RBPJ: variants seen among roughly 807,000 people sequenced by gnomAD.
The protein encoded by RBPJ is recombining binding protein suppressor of hairless.
RBPJ carries 9 observed loss-of-function variants against 67.8 expected under a neutral mutation model. The observed-to-expected ratio is 0.13, with a 90% CI of 0.08 to 0.23. The LOEUF (loss-of-function observed/expected upper bound fraction) is 0.23. Ranked by LOEUF, RBPJ falls within the 10% of genes least tolerant of loss-of-function variation. RBPJ has a pLI of 1.00. For synonymous variants in RBPJ, 198 were observed against 203.3 expected, an observed-to-expected ratio of 0.97 and a Z score of 0.22; for missense variants, 305 against 595.6, an observed-to-expected ratio of 0.51 and a Z score of 5.08.
At chr4:26,320,787 G>A (rs750670227), upstream of RBPJ, 6 of 1,555,534 alleles carry the variant, frequency 3.9e-6, no homozygotes, top group South Asian at 5.9e-5. Flanking sequence ...GCCCGCGGAG[G>A]AGCCGCCTGC....
At chr4:26,396,801 T>TA (rs1299955758) in intron 2 of RBPJ, among the ~76,000 whole-genome samples, 1 of 152,206 alleles carries the variant, frequency 6.6e-6, no homozygotes, top group Non-Finnish European at 1.5e-5. Flanking sequence ...ACTTCTGCTA[T>TA]AAAAAGAGAG....
At chr4:26,221,485 T>G (rs1718909107) in intron 1 of RBPJ, among the ~76,000 whole-genome samples, 1 of 152,196 alleles carries the variant, frequency 6.6e-6, no homozygotes, top group Non-Finnish European at 1.5e-5. Context: ...CCAACAGAGA[T>G]AACTCAAGAG....
chr4:26,380,560 G>A (rs978064178), intron 1 of RBPJ, among the ~76,000 whole-genome samples: 6 of 152,100 alleles, frequency 3.9e-5, no homozygotes, highest in African/African-American at 1.4e-4. Flanking sequence ...ATAGAATATA[G>A]TAATAATGTA....
chr4:26,134,111 C>G, the RBPJ span, among the ~76,000 whole-genome samples: 2 of 152,110 alleles, frequency 1.3e-5, no homozygotes, highest in African/African-American at 4.8e-5. Context: ...TTTCCTGGGT[C>G]CTGACAGGAT....
intron 1 of RBPJ, among the ~76,000 whole-genome samples, chr4:26,268,844 G>A (rs1181474684): frequency 6.6e-5 from 10 of 151,822 alleles, no homozygotes; most frequent in Non-Finnish European, 1.5e-4. Context: ...TATGAAATTA[G>A]GCAAAACAAA....
At chr4:26,357,643 C>T (rs962350091) in intron 1 of RBPJ, among the ~76,000 whole-genome samples, 5 of 152,236 alleles carry the variant, frequency 3.3e-5, no homozygotes, top group South Asian at 2.1e-4. Context: ...AGTACATTCA[C>T]GGTGCTATGC....
chr4:26,176,628 C>T (rs537326769), intron 1 of RBPJ, among the ~76,000 whole-genome samples: 1 of 152,372 alleles, frequency 6.6e-6, no homozygotes, highest in African/African-American at 2.4e-5. Flanking sequence ...CCCCCTTCAA[C>T]ACTATGCTTC....
intron 1 of RBPJ, among the ~76,000 whole-genome samples, chr4:26,369,570 AC>A (rs1394541835): frequency 6.6e-6 from 1 of 152,206 alleles, no homozygotes; most frequent in Non-Finnish European, 1.5e-5. Context: ...GATTTTTCTC[AC>A]AGTGGTAGAT....
chr4:26,343,279 G>A (rs1725740100), intron 1 of RBPJ: 2 of 152,182 alleles, frequency 1.3e-5, no homozygotes, highest in African/African-American at 4.8e-5. Flanking sequence ...CTTGACTGTT[G>A]TAATGAATCT....
intron 1 of RBPJ, among the ~76,000 whole-genome samples, chr4:26,287,467 C>A (rs533802281): frequency 1.3e-5 from 2 of 150,650 alleles, no homozygotes; most frequent in African/African-American, 4.9e-5. Context: ...GTGGGAAGAT[C>A]GCTTGAGTCA....
intron 1 of RBPJ, among the ~76,000 whole-genome samples, chr4:26,273,069 C>T (rs1720966792): frequency 6.6e-6 from 1 of 152,156 alleles, no homozygotes; most frequent in Non-Finnish European, 1.5e-5. Flanking sequence ...TTTCAACCAA[C>T]AAAATTGACT....
chr4:26,258,261 A>G (rs751849345), intron 1 of RBPJ, among the ~76,000 whole-genome samples: 6 of 152,146 alleles, frequency 3.9e-5, no homozygotes, highest in Non-Finnish European at 8.8e-5. Flanking sequence ...CTACCAATTG[A>G]CTTTTTTCTA....
At chr4:26,205,240 G>A (rs1718128572) in intron 1 of RBPJ, among the ~76,000 whole-genome samples, 1 of 152,182 alleles carries the variant, frequency 6.6e-6, no homozygotes, top group African/African-American at 2.4e-5. Context: ...AGATGTGGGA[G>A]CAGCTCCGGC....
chr4:26,111,000 T>G, the RBPJ span, among the ~76,000 whole-genome samples: 1 of 152,232 alleles, frequency 6.6e-6, no homozygotes. The surrounding 1 kb of genome is among the most constrained non-coding windows in gnomAD (Gnocchi z 4.5). Context: ...GGTTCTGTCA[T>G]CTGCAACTAA....
At chr4:26,341,425 T>C (rs1482862027) in intron 1 of RBPJ, among the ~76,000 whole-genome samples, 1 of 152,002 alleles carries the variant, frequency 6.6e-6, no homozygotes, top group Non-Finnish European at 1.5e-5. Context: ...GACCAGCCTG[T>C]CAACATAGTG....
At chr4:26,140,140 A>G in the RBPJ span, among the ~76,000 whole-genome samples, 2 of 152,178 alleles carry the variant, frequency 1.3e-5, no homozygotes, top group African/African-American at 4.8e-5. Context: ...AGCACTTGGA[A>G]CAGTACTACG....
chr4:26,126,727 C>A, the RBPJ span, among the ~76,000 whole-genome samples: 1 of 152,220 alleles, frequency 6.6e-6, no homozygotes, highest in Non-Finnish European at 1.5e-5. Flanking sequence ...TGGTCAACAA[C>A]CAAATTCCCT....
intron 1 of RBPJ, among the ~76,000 whole-genome samples, chr4:26,245,415 G>A (rs1188184349): frequency 6.6e-6 from 1 of 151,830 alleles, no homozygotes; most frequent in African/African-American, 2.4e-5. Context: ...CACCATGTTG[G>A]TCAGGCTGGT....
intron 1 of RBPJ, among the ~76,000 whole-genome samples, chr4:26,215,843 T>C (rs938782418): frequency 2.0e-5 from 3 of 151,760 alleles, no homozygotes; most frequent in African/African-American, 7.3e-5. Context: ...GTCTCTGGAT[T>C]GAATTTGTTC....
Sources: gnomAD v4.1 joint callset for allele counts (sites outside exome capture counted in the v4.1 genomes callset) on GRCh38, gnomAD v4.1.1 for gene constraint, Gnocchi (gnomAD v3.1) non-coding constraint, MANE v1.5 for transcripts, NCBI Gene and HGNC (gene_info 2026-07-23, HGNC 2026-07-21) for gene names.